The following WDR81 variants were observed in gnomAD, a reference collection of about 807,000 sequenced individuals.
WDR81 encodes the protein WD repeat domain 81.
In WDR81, 92 loss-of-function variants were observed where a neutral mutation model predicts 140.8. The ratio of observed to expected loss-of-function variants is 0.65; its 90% CI spans 0.55 to 0.78. The LOEUF is 0.78. WDR81 is among the 30% of genes least tolerant of loss of function. The pLI is 0.00. For synonymous variants in WDR81, 1,183 were observed against 1,156.4 expected (o/e 1.02, Z -0.47); for missense variants, 2,502 against 2,636.4 (o/e 0.95, Z 1.12).
Position 1,730,916 on chromosome 17 carries a change from T to C in WDR81, c.3937T>C (p.Tyr1313His). Residue 1313 changes from tyrosine (Y) to histidine (H), a missense_variant, in exon 3 of 10, where the codon TAC becomes CAC. By Grantham distance (83) the Tyr-to-His change is moderately conservative (BLOSUM62 2). This residue lies in a region of WDR81 where 1,737 missense variants were observed against 1,843.0 expected (regional missense o/e 0.94). Transcript: ENST00000409644. ...CCTGTATGGGGAGCCTGTCCTCACCTACCAGTACCTGCCCTACATCAGCTA... is the reference window on the plus strand; with the variant it reads ...CCTGTATGGGGAGCCTGTCCTCACCCACCAGTACCTGCCCTACATCAGCTA... The part of the protein sequence containing the change: ...ARLYGEPVLT[Y>H]QYLPYISYLV... 6.2e-7 allele frequency: 1 copy of C among 1,613,294 alleles called. No individual in the cohort carries two copies. Among genetic ancestry groups the C allele is most frequent in the Admixed American group, 1.7e-5 (1 of 60,020 alleles).
In WDR81 at chr17:1,737,712, G is replaced by T. The variant is rs1905009238; in HGVS notation, c.*27G>T. ...CTGAGGCAGGAGCTGGCCGGGCAAG[G>T]GTGGGAAGACATCTGCGGGCGCGTG... On this transcript the variant is annotated 3_prime_UTR_variant, in exon 10 of 10. Coordinates refer to ENST00000409644, the MANE Select transcript of WDR81 (RefSeq NM_001163809.2). The T allele has an allele frequency of 2.5e-6, 4 of 1,581,742 alleles. No homozygotes were observed. Among genetic ancestry groups the T allele is most frequent in the Non-Finnish European group, 2.6e-6 (3 of 1,165,496 alleles).
chr17:1,736,297 GC>G, intron 9 of WDR81, 79 bp downstream of exon 9: 1 of 1,500,176 alleles, frequency 6.7e-7, no homozygotes, highest in Non-Finnish European at 8.9e-7. Context: ...GGGTCTGCCT[GC>G]CCGGGTTCAG....
intron 7 of WDR81, among the ~76,000 whole-genome samples, chr17:1,734,999 A>T (rs1395091226): frequency 6.6e-6 from 1 of 152,016 alleles, no homozygotes; most frequent in Admixed American, 6.6e-5. Flanking sequence ...TGGCCGGGCC[A>T]TGGAAGCAGG....
In WDR81 at chr17:1,727,499, A is replaced by G. The variant is rs1450501328; in HGVS notation, c.2540A>G (p.Glu847Gly). 3.2e-6 allele frequency: 5 copies of G among 1,550,242 alleles called. No individual in the cohort carries two copies. Among genetic ancestry groups the G allele is most frequent in the Non-Finnish European group, 4.4e-6 (5 of 1,146,998 alleles). Residue 847 changes from glutamate to glycine, a missense_variant, in exon 1 of 10, where the codon GAG becomes GGG. This residue lies in a region of WDR81 where 1,737 missense variants were observed against 1,843.0 expected (regional missense o/e 0.94). Coordinates refer to ENST00000409644, the MANE Select transcript of WDR81 (RefSeq NM_001163809.2). ...AERGKLDQLF[E>G]YRPVSQGLPP... ...AGGGGCAAGCTGGACCAACTGTTTG[A>G]GTACAGGCCTGTCTCCCAGGGCCTG...
In WDR81 at chr17:1,738,584, C is replaced by T. The variant is rs1050233054; in HGVS notation, c.*899C>T. ...GGACCAATAAATCCTTTGGAAGAGC[C>T]ATGGGGTGAACTGAGGCTTGTCTTT... On this transcript the variant is annotated 3_prime_UTR_variant, in exon 10 of 10. Coordinates refer to ENST00000409644, the MANE Select transcript of WDR81 (RefSeq NM_001163809.2). 1 of 150,474 alleles carries T rather than the reference C, an allele frequency of 6.6e-6. No individual in the cohort carries two copies. Among genetic ancestry groups the T allele is most frequent in the African/African-American group, 2.5e-5 (1 of 40,736 alleles). The allele number at this position is 150,474 out of a possible 1,614,324, so 9.3% of individuals were successfully genotyped here.
At position 1,728,565 on chromosome 17, in the gene WDR81, A is replaced by C. The variant is rs1176771070; in HGVS notation, c.3606A>C (p.Gly1202=). 1 of 1,517,504 alleles carries C rather than the reference A, an allele frequency of 6.6e-7. No individual in the cohort carries two copies. Among genetic ancestry groups the C allele is most frequent in the Admixed American group, 2.1e-5 (1 of 47,814 alleles). The allele number at this position is 1,517,504 out of a possible 1,614,324, so 94.0% of individuals were successfully genotyped here. A position where few individuals can be genotyped will look rare whatever the true frequency, so the allele number is the denominator to read the frequency against. The change falls in exon 1 of 10, where the codon GGA becomes GGC. Residue 1202 remains glycine, a synonymous_variant. Coordinates refer to ENST00000409644, the MANE Select transcript of WDR81 (RefSeq NM_001163809.2). ...TVVAGGSGGD[G]EEEEEALPEQ... Reference sequence around the variant, plus strand: ...TGGCCGGCGGCAGTGGGGGAGATGGAGAAGAAGAGGAGGAGGCACTGCCTG... The same window carrying C: ...TGGCCGGCGGCAGTGGGGGAGATGGCGAAGAAGAGGAGGAGGCACTGCCTG...
intron 1 of WDR81, 135 bp from the exon 2 acceptor site, chr17:1,730,245 T>A (rs1028161130): frequency 4.7e-6 from 3 of 644,482 alleles, no homozygotes; most frequent in Non-Finnish European, 7.5e-6. Context: ...GGGGGTGGTG[T>A]GGGACAGCCG....
chr17:1,733,724 C>A lies in WDR81; in HGVS notation c.4687C>A (p.Leu1563Met). 6.2e-7 allele frequency: 1 copy of A among 1,612,670 alleles called. No individual in the cohort carries two copies. The change falls in exon 7 of 10, where the codon CTG becomes ATG. Residue 1563 changes from leucine (L) to methionine (M), a missense_variant. Leu to Met is a conservative substitution (Grantham distance 15, BLOSUM62 2). Transcript: ENST00000409644. ...CCACTCAGGGACCTTTGGGAGCGTC[C>A]TGGTGGGGAACCGCATTCAGATCCC... Reference protein sequence around the residue: ...DGHSGTFGSVLVGNRIQIPND... With the variant: ...DGHSGTFGSVMVGNRIQIPND...
chr17:1,735,620 C>T lies in WDR81; in HGVS notation c.5228C>T (p.Thr1743Ile), dbSNP rs1351275162. 1.2e-6 allele frequency: 2 copies of T among 1,612,848 alleles called. No individual in the cohort carries two copies. The highest frequency in any genetic ancestry group is 3.3e-5 in the Admixed American group (2 of 59,994). The change falls in exon 8 of 10, where the codon ACT (threonine) becomes ATT (isoleucine). Residue 1743 changes from threonine to isoleucine, a missense_variant. Transcript: ENST00000409644. The surrounding 1 kb of genome is among the most constrained non-coding windows in gnomAD (Gnocchi z 4.2). ...VEPLDSRVPL[T>I]AVAVMPAPHT... ...CCGCTGGACAGCCGGGTGCCCCTGA[C>T]TGCGGTGGCTGTCATGCCCGCCCCC...
rs1271441685 is a variant in WDR81, at chr17:1,726,964, A to C, written c.2005A>C (p.Ile669Leu). 3.9e-6 allele frequency: 6 copies of C among 1,550,306 alleles called. No individual in the cohort carries two copies. Among genetic ancestry groups the C allele is most frequent in the Non-Finnish European group, 4.4e-6 (5 of 1,146,982 alleles). The change falls in exon 1 of 10, where the codon ATT becomes CTT. Residue 669 changes from isoleucine to leucine, a missense_variant. Coordinates refer to ENST00000409644, the MANE Select transcript of WDR81 (RefSeq NM_001163809.2). The stretch of plus-strand genomic sequence containing the variant: ...ACAGGCCACAGAAGCTCTGGATTCC[A>C]TTTCCCTTGCTGGGAAAGCAGGTGA... ...LEQATEALDSISLAGKAGDQL... is the reference protein window; with the variant it reads ...LEQATEALDSLSLAGKAGDQL...
rs3809871 is a variant in WDR81, at chr17:1,733,780, A to G, written c.4743A>G (p.Pro1581=). 0.52 allele frequency: 834,261 copies of G among 1,611,926 alleles called. 218,233 individuals carry two copies. The highest frequency in any genetic ancestry group is 0.74 in the East Asian group (33,269 of 44,824). ...ACTCTCGGCCTGAGAACCCCGGACC[A>G]CTGGGCCCCATCTCGGGGGTGGGTG... ...PNDSRPENPG[P]LGPISGVGGG... Residue 1581 remains proline, a synonymous_variant, in exon 7 of 10, where the codon CCA becomes CCG. Transcript: ENST00000409644.
rs1464889597 is a variant in WDR81 at position 1,735,901 on chromosome 17, G to A, written c.5326-138G>A. On this transcript the variant is annotated intron_variant, in intron 8 of 9. Coordinates refer to ENST00000409644, the MANE Select transcript of WDR81 (RefSeq NM_001163809.2). The surrounding 1 kb of genome is among the most constrained non-coding windows in gnomAD (Gnocchi z 4.2). ...GGACTCTGGCCTGTGATGGGGGTGG[G>A]GTTCTGGGCTTTTCATGCCCCCTGA... is the stretch of plus-strand genomic sequence containing the variant. The A allele has an allele frequency of 7.2e-7, 1 of 1,386,100 alleles. No homozygotes were observed. Among genetic ancestry groups the A allele is most frequent in the South Asian group, 1.4e-5 (1 of 69,514 alleles). 85.9% of individuals were successfully genotyped at this position (1,386,100 alleles called of 1,614,324 possible). A position where few individuals can be genotyped will look rare whatever the true frequency, so the allele number is the denominator to read the frequency against.
At position 1,725,141 on chromosome 17, in the gene WDR81, G is replaced by T. The variant is rs1296362239; in HGVS notation, c.182G>T (p.Arg61Leu). ...CACGTGGTGGCCCTAGTGCCTGCGC[G>T]CTGGCTGGCCAGCCTCCGCGATCGC... ...GTHVVALVPA[R>L]WLASLRDRRL... The change falls in exon 1 of 10, where the codon CGC (arginine) becomes CTC (leucine). Residue 61 changes from arginine to leucine, a missense_variant. Transcript: ENST00000409644. 4 of 1,531,220 alleles carry T rather than the reference G, an allele frequency of 2.6e-6. No individual in the cohort carries two copies. Among genetic ancestry groups the T allele is most frequent in the African/African-American group, 1.4e-5 (1 of 72,882 alleles). The allele number at this position is 1,531,220 out of a possible 1,614,324, so 94.9% of individuals were successfully genotyped here.
At chr17:1,721,564 G>C (rs1304997078), upstream of WDR81, among the ~76,000 whole-genome samples, 1 of 151,970 alleles carries the variant, frequency 6.6e-6, no homozygotes, top group Non-Finnish European at 1.5e-5. Context: ...GCTCACACCT[G>C]TAATCCCAGC....
chr17:1,724,745 G>A lies in WDR81; in HGVS notation c.-215G>A, dbSNP rs975321732. On this transcript the variant is annotated 5_prime_UTR_variant, in exon 1 of 10. Transcript: ENST00000409644. ...TGGAGCCCGGTGCTCGCGCCCGGCAGCCTCTGCCCCGCCGCGCCCGGAGCG... is the reference window on the plus strand; with the variant it reads ...TGGAGCCCGGTGCTCGCGCCCGGCAACCTCTGCCCCGCCGCGCCCGGAGCG... The A allele has an allele frequency of 8.9e-7, 1 of 1,122,198 alleles. No individual in the cohort carries two copies. The highest frequency in any genetic ancestry group is 1.1e-6 in the Non-Finnish European group (1 of 918,682). The allele number at this position is 1,122,198 out of a possible 1,614,324, so 69.5% of individuals were successfully genotyped here.
chr17:1,719,382 A>G (rs1597277950), intron 1 of WDR81, among the ~76,000 whole-genome samples: 1 of 151,012 alleles, frequency 6.6e-6, no homozygotes, highest in South Asian at 2.1e-4. Context: ...CCCGTCTCTA[A>G]TAAACATACA....
At chr17:1,736,328 A>G in intron 9 of WDR81, 110 bp downstream of exon 9, 1 of 1,315,206 alleles carries the variant, frequency 7.6e-7, no homozygotes, top group Non-Finnish European at 1.0e-6. Context: ...GGTCTGTCTT[A>G]TATACCTGGT....
chr17:1,726,261 C>A lies in WDR81; in HGVS notation c.1302C>A (p.Pro434=), dbSNP rs1296610356. 1.1e-5 allele frequency: 17 copies of A among 1,537,060 alleles called. No individual in the cohort carries two copies. Among genetic ancestry groups the A allele is most frequent in the Non-Finnish European group, 1.5e-5 (17 of 1,139,230 alleles). The change falls in exon 1 of 10, where the codon CCC becomes CCA. Residue 434 remains proline, a synonymous_variant. Transcript: ENST00000409644. ...FVAGGAGGGE[P]PHVPHHISDV... ...CAGGCGGGGCGGGCGGCGGGGAACC[C>A]CCTCATGTTCCCCACCACATCTCAG...
chr17:1,729,475 G>A (rs142476741), intron 1 of WDR81, among the ~76,000 whole-genome samples: 2 of 151,512 alleles, frequency 1.3e-5, no homozygotes, highest in South Asian at 2.1e-4. Flanking sequence ...GCGGGACTCC[G>A]TCTCAAAAAA....
Sources: gnomAD v4.1 joint callset for allele counts (sites outside exome capture counted in the v4.1 genomes callset) on GRCh38, gnomAD v4.1.1 for gene constraint, gnomAD v4.1.1 regional missense constraint, Gnocchi (gnomAD v3.1) non-coding constraint, MANE v1.5 for transcripts, NCBI Gene and HGNC (gene_info 2026-07-23, HGNC 2026-07-21) for gene names.